Variants in TMEM178B observed in about 807,000 individuals in gnomAD.
TMEM178B encodes the protein transmembrane protein 178B.
TMEM178B carries 5 observed loss-of-function variants against 31.0 expected under a neutral mutation model. That is an observed-to-expected ratio of 0.16 (90% confidence interval 0.08 to 0.34). TMEM178B has a LOEUF of 0.34. TMEM178B is among the 10% of genes least tolerant of loss of function. TMEM178B has a pLI of 1.00. For synonymous variants in TMEM178B, 164 were observed against 164.0 expected, an observed-to-expected ratio of 1.00 and a Z score of 0.00; for missense variants, 275 against 400.3, an observed-to-expected ratio of 0.69 and a Z score of 2.67.
the TMEM178B span, among the ~76,000 whole-genome samples, chr7:141,496,425 A>G: frequency 6.6e-6 from 1 of 152,042 alleles, no homozygotes; most frequent in African/African-American, 2.4e-5. Flanking sequence ...ACCTCTGTAG[A>G]TTTGGGAGGC....
rs118080540 is a variant in TMEM178B, at chr7:141,343,957, G to C, written c.497-93651G>C. On this transcript the variant is annotated intron_variant, in intron 2 of 3. Transcript: ENST00000565468. ...TGCAACCCAGAGGATCCCTGATCTT[G>C]GCCTGTGATTCTCAAACCTCTTTGG... Among the ~76,000 whole-genome samples, 29 of 152,258 alleles carry C rather than the reference G, an allele frequency of 1.9e-4. No individual in the cohort carries two copies. The East Asian group carries it at 5.4e-3, about 28-fold the overall frequency.
Position 141,171,669 on chromosome 7 carries a change from G to GTGTCA in TMEM178B, c.383-40921_383-40917dup, listed in dbSNP as rs943495798. On this transcript the variant is annotated intron_variant, in intron 1 of 3. Transcript: ENST00000565468. This position sits in a 1 kb window ranked among gnomAD's most constrained non-coding sequence, Gnocchi z 4.3. ...ATTCCAGACAGAGGGGATGGCTGTG[G>GTGTCA]TGTCACAGCAGAGAGCCAGCAGACA... Among the ~76,000 whole-genome samples the GTGTCA allele has an allele frequency of 1.3e-5, 2 of 152,202 alleles. No homozygotes were observed. The highest frequency in any genetic ancestry group is 4.8e-5 in the African/African-American group (2 of 41,452).
chr7:141,169,095 A>G (rs73167451), intron 1 of TMEM178B, among the ~76,000 whole-genome samples: 2 of 152,354 alleles, frequency 1.3e-5, no homozygotes, highest in Non-Finnish European at 2.9e-5. Flanking sequence ...TTTGTTATAT[A>G]GGTAAACTTG....
chr7:141,418,304 C>T (rs913037955), intron 2 of TMEM178B, among the ~76,000 whole-genome samples: 8 of 152,072 alleles, frequency 5.3e-5, no homozygotes. Flanking sequence ...CCCACTCATC[C>T]CCAGTAACCC....
At chr7:141,174,533 C>G (rs1421466354) in intron 1 of TMEM178B, among the ~76,000 whole-genome samples, 1 of 152,170 alleles carries the variant, frequency 6.6e-6, no homozygotes, top group African/African-American at 2.4e-5. Flanking sequence ...TGAGGAATCA[C>G]CACACTGTTT....
chr7:141,260,449 G>A (rs934414179), intron 2 of TMEM178B, among the ~76,000 whole-genome samples: 3 of 151,856 alleles, frequency 2.0e-5, no homozygotes, highest in Non-Finnish European at 4.4e-5. Context: ...TTCTATCACC[G>A]TTTGTTGGGA....
At chr7:141,497,589 T>C in the TMEM178B span, among the ~76,000 whole-genome samples, 1 of 152,184 alleles carries the variant, frequency 6.6e-6, no homozygotes, top group Non-Finnish European at 1.5e-5. Flanking sequence ...TCATTTTGGC[T>C]TTTCAGCAAT....
the TMEM178B span, among the ~76,000 whole-genome samples, chr7:141,489,334 C>T: frequency 6.6e-6 from 1 of 152,178 alleles, no homozygotes; most frequent in South Asian, 2.1e-4. Flanking sequence ...TGAAGCTCCA[C>T]TTTTCATTTT....
At chr7:141,363,705 T>C (rs1473755320) in intron 2 of TMEM178B, among the ~76,000 whole-genome samples, 1 of 152,154 alleles carries the variant, frequency 6.6e-6, no homozygotes, top group Non-Finnish European at 1.5e-5. Flanking sequence ...TTGTAGTTGC[T>C]CATTTGAAAC....
intron 1 of TMEM178B, among the ~76,000 whole-genome samples, chr7:141,128,634 T>G (rs1374806630): frequency 6.6e-6 from 1 of 151,894 alleles, no homozygotes; most frequent in African/African-American, 2.4e-5. Context: ...TAATAGTGCA[T>G]GGGGTTAACT....
chr7:141,459,066 A>G lies in TMEM178B; in HGVS notation c.635-11470A>G, dbSNP rs182355561. Among the ~76,000 whole-genome samples the G allele has an allele frequency of 1.9e-3, 296 of 152,258 alleles. 2 individuals are homozygous for G. Among genetic ancestry groups the G allele is most frequent in the Admixed American group, 0.015 (223 of 15,302 alleles). ...TTTTTTGAGACAGAGTTTCACTCTT[A>G]TTGCCCAGGCTCGTGTGCAATGGCG... On this transcript the variant is annotated intron_variant, in intron 3 of 3. Transcript: ENST00000565468.
intron 3 of TMEM178B, among the ~76,000 whole-genome samples, chr7:141,447,321 G>A (rs1482952593): frequency 6.6e-6 from 1 of 152,002 alleles, no homozygotes; most frequent in Non-Finnish European, 1.5e-5. Flanking sequence ...GAATGTAGGG[G>A]GCAGGAAGCC....
rs114397934 is a variant in TMEM178B, at chr7:141,214,009, T to A, written c.496+1305T>A. On this transcript the variant is annotated intron_variant, in intron 2 of 3. Coordinates refer to ENST00000565468, the MANE Select transcript of TMEM178B (RefSeq NM_001195278.2). ...CAAAGAGGATTCCCATGTGCTGGCATTGAGCTAAGCATACCACATATTTAA... is the reference window on the plus strand; with the variant it reads ...CAAAGAGGATTCCCATGTGCTGGCAATGAGCTAAGCATACCACATATTTAA... Among the ~76,000 whole-genome samples, 1,053 of 152,340 alleles carry A rather than the reference T, an allele frequency of 6.9e-3. 15 individuals are homozygous for A. Among genetic ancestry groups the A allele is most frequent in the African/African-American group, 0.024 (1,005 of 41,568 alleles).
intron 2 of TMEM178B, among the ~76,000 whole-genome samples, chr7:141,400,729 G>A (rs576277126): frequency 6.6e-6 from 1 of 152,340 alleles, no homozygotes; most frequent in East Asian, 1.9e-4. Context: ...TGGTCAAAGA[G>A]GGCTTCAGGA....
rs796071269 is a variant in TMEM178B, at chr7:141,138,115, G to A, written c.382+63423G>A. Among the ~76,000 whole-genome samples the A allele has an allele frequency of 1.9e-4, 28 of 150,474 alleles. 1 individual carries two copies. Among genetic ancestry groups the A allele is most frequent in the African/African-American group, 6.9e-4 (28 of 40,860 alleles). On this transcript the variant is annotated intron_variant, in intron 1 of 3. Transcript: ENST00000565468. ...CTCGCTCAGTCGCCCAGGCTGGAGTGCAGTGGCGCCATCTCGGCTCACTGC... is the reference window on the plus strand; with the variant it reads ...CTCGCTCAGTCGCCCAGGCTGGAGTACAGTGGCGCCATCTCGGCTCACTGC...
At chr7:141,131,725 T>C (rs796961735) in intron 1 of TMEM178B, among the ~76,000 whole-genome samples, 2 of 152,196 alleles carry the variant, frequency 1.3e-5, no homozygotes, top group African/African-American at 2.4e-5. Flanking sequence ...GGGTAGTTTC[T>C]AGTTTTGGGC....
At chr7:141,163,591 C>T (rs1396710711) in intron 1 of TMEM178B, among the ~76,000 whole-genome samples, 1 of 151,314 alleles carries the variant, frequency 6.6e-6, no homozygotes, top group Non-Finnish European at 1.5e-5. Context: ...TGGCTCACTG[C>T]AACCTCTGCC....
At chr7:141,335,676 C>T (rs974274053) in intron 2 of TMEM178B, among the ~76,000 whole-genome samples, 5 of 152,128 alleles carry the variant, frequency 3.3e-5, no homozygotes, top group Admixed American at 1.3e-4. Context: ...CCCCCATTAG[C>T]GCAATTTGAT....
chr7:141,207,101 G>A (rs1206267097), intron 1 of TMEM178B, among the ~76,000 whole-genome samples: 1 of 152,218 alleles, frequency 6.6e-6, no homozygotes, highest in African/African-American at 2.4e-5. Context: ...GTTGTTGCAT[G>A]CAGCAAGCTT....
Sources: gnomAD v4.1 joint callset for allele counts (sites outside exome capture counted in the v4.1 genomes callset) on GRCh38, gnomAD v4.1.1 for gene constraint, Gnocchi (gnomAD v3.1) non-coding constraint, MANE v1.5 for transcripts, NCBI Gene and HGNC (gene_info 2026-07-23, HGNC 2026-07-21) for gene names.